Variants in SNX9 observed in about 807,000 individuals in gnomAD.
SNX9 encodes sorting nexin-9.
SNX9 carries 44 observed loss-of-function variants against 89.4 expected under a neutral mutation model. That is an observed-to-expected ratio of 0.49 (90% CI 0.39 to 0.63). The LOEUF (loss-of-function observed/expected upper bound fraction) is 0.63, where lower values mean the gene tolerates loss of function less well. Ranked by LOEUF, SNX9 falls within the 30% of genes least tolerant of loss-of-function variation. SNX9 has a pLI of 0.00. For synonymous variants in SNX9, 236 were observed against 247.8 expected (o/e 0.95, Z 0.45); for missense variants, 578 against 736.1 (o/e 0.79, Z 2.49).
At chr6:157,831,168 T>C (rs980423827) in intron 1 of SNX9, among the ~76,000 whole-genome samples, 2 of 152,258 alleles carry the variant, frequency 1.3e-5, no homozygotes, top group Non-Finnish European at 2.9e-5. Flanking sequence ...CATCCGTTTC[T>C]GCACATTCTC....
chr6:157,876,555 T>C (rs57637207), intron 4 of SNX9, among the ~76,000 whole-genome samples: 4,567 of 152,348 alleles, frequency 0.03, 227 homozygotes, highest in African/African-American at 0.1. Context: ...GTAGACATTC[T>C]GAATTACAAA....
At chr6:157,906,667 A>G (rs1002209449) in intron 7 of SNX9, among the ~76,000 whole-genome samples, 4 of 152,182 alleles carry the variant, frequency 2.6e-5, no homozygotes, top group African/African-American at 7.2e-5. Flanking sequence ...TCAAATTGAG[A>G]TAAGGAGCTA....
At chr6:157,922,228 G>A (rs1179759837) in intron 10 of SNX9, among the ~76,000 whole-genome samples, 1 of 152,192 alleles carries the variant, frequency 6.6e-6, no homozygotes, top group Non-Finnish European at 1.5e-5. Flanking sequence ...AACGTTGGCT[G>A]CCTGACATCT....
At chr6:157,842,415 G>A (rs1781720099) in intron 1 of SNX9, among the ~76,000 whole-genome samples, 1 of 152,182 alleles carries the variant, frequency 6.6e-6, no homozygotes, top group African/African-American at 2.4e-5. Flanking sequence ...TGCCCAATGG[G>A]TTCACCATCA....
intron 4 of SNX9, among the ~76,000 whole-genome samples, chr6:157,891,185 C>T (rs1782852585): frequency 6.6e-6 from 1 of 151,886 alleles, no homozygotes; most frequent in African/African-American, 2.4e-5. Flanking sequence ...GCTCCTGCCA[C>T]CACACCCGGC....
chr6:157,873,708 T>C (rs3828705), intron 3 of SNX9, among the ~76,000 whole-genome samples: 7,167 of 151,814 alleles, frequency 0.047, 490 homozygotes, highest in East Asian at 0.28. Flanking sequence ...TCTATAATAT[T>C]GTTTATTGTA....
Position 157,873,156 on chromosome 6 carries a change from G to T in SNX9, c.154G>T (p.Val52Phe), listed in dbSNP as rs369135924. The T allele has an allele frequency of 6.9e-6, 11 of 1,601,164 alleles. No homozygotes were observed. Among genetic ancestry groups the T allele is most frequent in the Non-Finnish European group, 9.4e-6 (11 of 1,173,124 alleles). Residue 52 changes from valine to phenylalanine, a missense_variant, in exon 3 of 18, where the codon GTT becomes TTT. By Grantham distance (50) the Val-to-Phe change is conservative. Around this residue, in one of 2 missense-constraint regions of SNX9, gnomAD observed 230 missense variants for 244.7 expected, o/e 0.94. Coordinates refer to ENST00000392185, the MANE Select transcript of SNX9 (RefSeq NM_016224.5). ...GRNIKGERGL[V>F]PTDYVEILPS... ...AAACATCAAAGGAGAACGAGGGCTG[G>T]TTCCCACAGACTACGTTGAAGTAAG...
At chr6:157,933,820 G>T (rs527807109) in intron 13 of SNX9, among the ~76,000 whole-genome samples, 1 of 152,188 alleles carries the variant, frequency 6.6e-6, no homozygotes, top group Non-Finnish European at 1.5e-5. Context: ...ACTGGGAGCT[G>T]CTTCGTGATT....
At chr6:157,864,265 G>A (rs1165076574) in intron 1 of SNX9, among the ~76,000 whole-genome samples, 1 of 152,116 alleles carries the variant, frequency 6.6e-6, no homozygotes, top group Non-Finnish European at 1.5e-5. Context: ...TTGTAGCAGT[G>A]TTGATCCCCT....
At position 157,886,546 on chromosome 6, in the gene SNX9, A is replaced by T. The variant is rs572600540; in HGVS notation, c.301-10281A>T. Among the ~76,000 whole-genome samples, 3 of 152,322 alleles carry T rather than the reference A, an allele frequency of 2.0e-5. No homozygotes were observed. In the South Asian group the frequency reaches 6.2e-4, roughly 32 times the overall value. On this transcript the variant is annotated intron_variant, in intron 4 of 17. Coordinates refer to ENST00000392185, the MANE Select transcript of SNX9 (RefSeq NM_016224.5). ...GTATACACACAAACATACAGATATA[A>T]ATTGTATATAAATGGTAATGGTTTA...
intron 9 of SNX9, among the ~76,000 whole-genome samples, chr6:157,911,609 T>C (rs1436381394): frequency 6.6e-6 from 1 of 152,198 alleles, no homozygotes; most frequent in Admixed American, 6.5e-5. Flanking sequence ...TCCACAGACA[T>C]TAAACAGGTT....
Position 157,921,583 on chromosome 6 carries a change from G to T in SNX9, c.1002G>T (p.Trp334Cys). Residue 334 changes from tryptophan (W) to cysteine (C), a missense_variant, in exon 10 of 18, where the codon TGG becomes TGT. By Grantham distance (215) the Trp-to-Cys change is radical. Around this residue, in one of 2 missense-constraint regions of SNX9, gnomAD observed 348 missense variants for 491.4 expected, o/e 0.71. Coordinates refer to ENST00000392185, the MANE Select transcript of SNX9 (RefSeq NM_016224.5). ...IKMRMERLQA[W>C]MTRMCRHPVI... Reference sequence around the variant, plus strand: ...TGCGCATGGAGAGACTTCAGGCCTGGATGACCAGGATGTGTCGCCATCCAG... The same window carrying T: ...TGCGCATGGAGAGACTTCAGGCCTGTATGACCAGGATGTGTCGCCATCCAG... 6.2e-7 allele frequency: 1 copy of T among 1,614,052 alleles called. No individual in the cohort carries two copies. The highest frequency in any genetic ancestry group is 1.3e-5 in the African/African-American group (1 of 75,012).
chr6:157,896,290 TCC>T (rs1782975945), intron 4 of SNX9, among the ~76,000 whole-genome samples: 2 of 152,238 alleles, frequency 1.3e-5, no homozygotes, highest in African/African-American at 4.8e-5. Context: ...ATACATGTAT[TCC>T]ATTTCAAATT....
At chr6:157,890,172 C>A (rs1782827296) in intron 4 of SNX9, among the ~76,000 whole-genome samples, 1 of 152,132 alleles carries the variant, frequency 6.6e-6, no homozygotes, top group South Asian at 2.1e-4. Context: ...ATTCGTCTTG[C>A]CCCTTTTTAT....
chr6:157,915,942 G>A (rs887211204), intron 9 of SNX9, among the ~76,000 whole-genome samples: 3 of 150,166 alleles, frequency 2.0e-5, no homozygotes, highest in African/African-American at 7.3e-5. Flanking sequence ...CTTGATTTTT[G>A]TATATCCACC....
At position 157,865,619 on chromosome 6, in the gene SNX9, G is replaced by A. The variant is rs79503308; in HGVS notation, c.13-1928G>A. On this transcript the variant is annotated intron_variant, in intron 1 of 17. Coordinates refer to ENST00000392185, the MANE Select transcript of SNX9 (RefSeq NM_016224.5). ...GGAGAAATTTCAGACATGGAGAAAG[G>A]TTGGAATTGAATACCATAGATCCAC... is the stretch of plus-strand genomic sequence containing the variant. 1.2e-3 allele frequency among the ~76,000 whole-genome samples: 179 copies of A among 152,332 alleles called. 2 individuals carry two copies. The East Asian group carries it at 0.029, about 24-fold the overall frequency.
chr6:157,910,983 T>C (rs1270524478), intron 9 of SNX9, among the ~76,000 whole-genome samples: 1 of 152,050 alleles, frequency 6.6e-6, no homozygotes, highest in Non-Finnish European at 1.5e-5. Context: ...TGTGGTGGTG[T>C]GCACCTGTAG....
chr6:157,825,208 A>G (rs1255281841), intron 1 of SNX9, among the ~76,000 whole-genome samples: 2 of 152,190 alleles, frequency 1.3e-5, no homozygotes, highest in African/African-American at 4.8e-5. Flanking sequence ...AGATCGCGCC[A>G]CTGCACTCCA....
intron 5 of SNX9, among the ~76,000 whole-genome samples, chr6:157,899,876 C>T (rs1583225363): frequency 6.6e-6 from 1 of 150,552 alleles, no homozygotes; most frequent in African/African-American, 2.5e-5. Flanking sequence ...TATCCCTCAC[C>T]TCACATGATT....
Sources: allele counts gnomAD v4.1 joint callset (sites outside exome capture counted in the v4.1 genomes callset), GRCh38; gene constraint gnomAD v4.1.1; regional missense constraint gnomAD v4.1.1; transcripts MANE v1.5; gene names NCBI Gene and HGNC (gene_info 2026-07-23, HGNC 2026-07-21).